NEO1: variants seen among roughly 807,000 people sequenced by gnomAD.
NEO1 encodes the protein neogenin.
A neutral mutation model predicts 159.7 loss-of-function variants in NEO1; 63 were observed. The observed-to-expected ratio is 0.39, with a 90% confidence interval of 0.32 to 0.49. The LOEUF is 0.49. Ranked by LOEUF, NEO1 falls within the 20% of genes least tolerant of loss-of-function variation. The pLI, the probability that NEO1 is intolerant of heterozygous loss-of-function variation, is 0.85. For synonymous variants in NEO1, 633 were observed against 662.0 expected (o/e 0.96, Z 0.67); for missense variants, 1,615 against 1,831.0 (o/e 0.88, Z 2.15).
At chr15:73,284,508 T>C (rs2041863988) in intron 23 of NEO1, among the ~76,000 whole-genome samples, 1 of 152,176 alleles carries the variant, frequency 6.6e-6, no homozygotes, top group African/African-American at 2.4e-5. Flanking sequence ...TAGCTTGTAC[T>C]GTATCACTTT....
At position 73,116,784 on chromosome 15, in the gene NEO1, T is replaced by G; in HGVS notation, c.375T>G (p.Gly125=). The change falls in exon 2 of 29, where the codon GGT becomes GGG. Residue 125 remains glycine (G), a synonymous_variant. Transcript: ENST00000261908. The stretch of plus-strand genomic sequence containing the variant: ...CCAAACACAATAAACCTGATGAAGG[T>G]TATTATCAGTGTGTGGCCACTGTTG... ...VHSKHNKPDE[G]YYQCVATVES... 6.2e-7 allele frequency: 1 copy of G among 1,613,638 alleles called. No homozygotes were observed. Among genetic ancestry groups the G allele is most frequent in the Non-Finnish European group, 8.5e-7 (1 of 1,179,770 alleles).
chr15:73,250,819 A>T (rs1475112013), intron 11 of NEO1, among the ~76,000 whole-genome samples: 1 of 152,224 alleles, frequency 6.6e-6, no homozygotes, highest in Admixed American at 6.5e-5. Context: ...AAACAGCCAT[A>T]AAGGACACTA....
At chr15:73,197,681 CTTTTTTTTT>C (rs34893810) in intron 7 of NEO1, among the ~76,000 whole-genome samples, 1 of 132,378 alleles carries the variant, frequency 7.6e-6, no homozygotes. Flanking sequence ...TTATACCTAC[CTTTTTTTTT>C]TTTTTTTTGA....
intron 20 of NEO1, among the ~76,000 whole-genome samples, chr15:73,274,254 T>C (rs1273215357): frequency 6.6e-6 from 1 of 152,198 alleles, no homozygotes. Context: ...TTGGGGCAGA[T>C]CAATTGCAGT....
chr15:73,235,137 G>A (rs951546683), intron 7 of NEO1, among the ~76,000 whole-genome samples: 6 of 152,088 alleles, frequency 3.9e-5, no homozygotes, highest in African/African-American at 9.7e-5. Context: ...TTCACGTGGC[G>A]TATTTATTTA....
chr15:73,103,803 T>G (rs567269900), intron 1 of NEO1, among the ~76,000 whole-genome samples: 73 of 152,266 alleles, frequency 4.8e-4, no homozygotes, highest in Middle Eastern at 3.4e-3. Context: ...AGAAAAATAA[T>G]TTTATTCTTA....
At chr15:73,236,620 C>A in intron 8 of NEO1, 114 bp downstream of exon 8, 1 of 853,774 alleles carries the variant, frequency 1.2e-6, no homozygotes, top group Non-Finnish European at 1.9e-6. Flanking sequence ...AATAAGATCA[C>A]TGAGATGCAC....
At chr15:73,272,805 AG>A (rs2041233209) in intron 19 of NEO1, among the ~76,000 whole-genome samples, 1 of 152,078 alleles carries the variant, frequency 6.6e-6, no homozygotes, top group Admixed American at 6.5e-5. Flanking sequence ...GGCACTAGAC[AG>A]CCTTTGGCTA....
rs376732158 is a variant in NEO1, at chr15:73,173,505, G to T, written c.1016-2898G>T. Among the ~76,000 whole-genome samples the T allele has an allele frequency of 2.0e-5, 3 of 152,194 alleles. No homozygotes were observed. The South Asian group carries it at 6.2e-4, about 32-fold the overall frequency. ...ATCTTGCCAGATATATGTAAAGCTG[G>T]ATACTTAGTAAGTCTAGTTTGTTTC... is the stretch of plus-strand genomic sequence containing the variant. On this transcript the variant is annotated intron_variant, in intron 5 of 28. Transcript: ENST00000261908.
chr15:73,225,698 TTGCCCCAGGC>T (rs1235502723), intron 7 of NEO1, among the ~76,000 whole-genome samples: 1 of 152,090 alleles, frequency 6.6e-6, no homozygotes, highest in African/African-American at 2.4e-5. Context: ...GCTTGAGAAC[TTGCCCCAGGC>T]TGCCTGCCTC....
rs1435150011 is a variant in NEO1, at chr15:73,121,016, T to A, written c.449-1509T>A. On this transcript the variant is annotated intron_variant, in intron 2 of 28. Coordinates refer to ENST00000261908, the MANE Select transcript of NEO1 (RefSeq NM_002499.4). ...TTTTTTCGGAGCCAGTAAGAGTAAA[T>A]TGCAGACAGGTTTTCCTGTAACTGC... 2.6e-5 allele frequency among the ~76,000 whole-genome samples: 4 copies of A among 151,496 alleles called. No homozygotes were observed. The East Asian group carries it at 5.8e-4, about 22-fold the overall frequency.
chr15:73,260,067 C>CTTTTTTTTTTTTTTTTTTTTTTTTTTTT (rs11327718), intron 14 of NEO1, among the ~76,000 whole-genome samples: 1 of 136,366 alleles, frequency 7.3e-6, no homozygotes, highest in Non-Finnish European at 1.6e-5. Flanking sequence ...CTGTTCAGGT[C>CTTTTTTTTTTTTTTTTTTTTTTTTTTTT]TTTTTTTTTT....
chr15:73,289,018 A>G lies in NEO1; in HGVS notation c.3650-128A>G, dbSNP rs371299921. On this transcript the variant is annotated intron_variant, in intron 24 of 28. Transcript: ENST00000261908. The stretch of plus-strand genomic sequence containing the variant: ...CATTTTCCTCTTTATTTCACTTCTT[A>G]CAGAAATGTCTTGTCCCCATTATGC... The G allele has an allele frequency of 8.9e-6, 6 of 677,960 alleles. No individual in the cohort carries two copies. The African/African-American group carries it at 9.0e-5, about 10-fold the overall frequency. 42.0% of individuals were successfully genotyped at this position (677,960 alleles called of 1,614,324 possible). A position where few individuals can be genotyped will look rare whatever the true frequency, so the allele number is the denominator to read the frequency against.
At position 73,302,589 on chromosome 15, in the gene NEO1, G is replaced by GT. The variant is rs781165100; in HGVS notation, c.4303-23dup. Reference sequence around the variant, plus strand: ...TGAGCTGCTCCCTGGATCCAGCCCAGTAACAGTGTTTTCTTTTCCATAGAG... The same window carrying GT: ...TGAGCTGCTCCCTGGATCCAGCCCAGTTAACAGTGTTTTCTTTTCCATAGAG... On this transcript the variant is annotated intron_variant, in intron 28 of 28. Transcript: ENST00000261908. The GT allele has an allele frequency of 3.1e-6, 5 of 1,608,184 alleles. No homozygotes were observed. In the South Asian group the frequency reaches 5.5e-5, roughly 18 times the overall value.
At chr15:73,186,326 TA>T (rs909145924) in intron 7 of NEO1, among the ~76,000 whole-genome samples, 118 of 149,538 alleles carry the variant, frequency 7.9e-4, no homozygotes, top group African/African-American at 2.3e-3. Context: ...TTTAAGTCCT[TA>T]AAAAAAAAGG....
intron 12 of NEO1, 77 bp from the exon 13 acceptor site, chr15:73,254,605 A>G: frequency 7.0e-7 from 1 of 1,431,406 alleles, no homozygotes. Flanking sequence ...AAACAGTAAA[A>G]TCAGGATAAA....
intron 4 of NEO1, among the ~76,000 whole-genome samples, chr15:73,132,175 AATATTTGTT>A (rs1304744491): frequency 6.6e-6 from 1 of 152,212 alleles, no homozygotes; most frequent in African/African-American, 2.4e-5. Context: ...CAAACCAATT[AATATTTGTT>A]AAATGAATGA....
At chr15:73,141,183 A>G (rs371487973) in intron 5 of NEO1, among the ~76,000 whole-genome samples, 1 of 152,236 alleles carries the variant, frequency 6.6e-6, no homozygotes. Context: ...TTTTTCAGAT[A>G]GGGAAAGCAG....
At chr15:73,142,004 T>C (rs2032435125) in intron 5 of NEO1, among the ~76,000 whole-genome samples, 1 of 152,188 alleles carries the variant, frequency 6.6e-6, no homozygotes, top group African/African-American at 2.4e-5. Context: ...CTCTGTCTCT[T>C]AGCTTTGTGA....
Sources: gnomAD v4.1 joint callset for allele counts (sites outside exome capture counted in the v4.1 genomes callset) on GRCh38, gnomAD v4.1.1 for gene constraint, MANE v1.5 for transcripts, NCBI Gene and HGNC (gene_info 2026-07-23, HGNC 2026-07-21) for gene names.